The following DAB1 variants were observed in gnomAD, a reference collection of about 807,000 sequenced individuals.
DAB1 encodes DAB adaptor protein 1, also known as disabled homolog 1.
DAB1 carries 15 observed loss-of-function variants against 64.6 expected under a neutral mutation model. That is an observed-to-expected ratio of 0.23 (90% CI 0.16 to 0.36). The LOEUF is 0.36. Among genes scored for constraint, DAB1 ranks in the 10% least tolerant of loss-of-function variants. The pLI, the probability that DAB1 is intolerant of heterozygous loss-of-function variation, is 1.00. For synonymous variants in DAB1, 235 were observed against 251.9 expected, an observed-to-expected ratio of 0.93 and a Z score of 0.64; for missense variants, 596 against 706.7, an observed-to-expected ratio of 0.84 and a Z score of 1.78.
At chr1:58,412,854 A>T (rs972894703) in intron 3 of DAB1, among the ~76,000 whole-genome samples, 13 of 152,222 alleles carry the variant, frequency 8.5e-5, no homozygotes, top group Non-Finnish European at 1.6e-4. Context: ...ATACTTCTTT[A>T]CTTCATCTAT....
At chr1:57,140,019 A>G (rs1658447594) in intron 3 of DAB1, among the ~76,000 whole-genome samples, 1 of 152,182 alleles carries the variant, frequency 6.6e-6, no homozygotes, top group Admixed American at 6.5e-5. Context: ...AACTGCACTC[A>G]GTCTAGAGTG....
intron 1 of DAB1, among the ~76,000 whole-genome samples, chr1:57,836,114 A>T (rs1294101031): frequency 1.3e-5 from 2 of 152,204 alleles, no homozygotes; most frequent in African/African-American, 4.8e-5. Context: ...GAAGGAATTC[A>T]TATTTATTAC....
chr1:57,655,647 T>A (rs888292569), intron 6 of DAB1, among the ~76,000 whole-genome samples: 2 of 152,138 alleles, frequency 1.3e-5, no homozygotes, highest in Non-Finnish European at 2.9e-5. Context: ...ATATAGAGTG[T>A]GTCAGATGGC....
chr1:57,685,788 A>G (rs1214926154), intron 6 of DAB1, among the ~76,000 whole-genome samples: 2 of 152,220 alleles, frequency 1.3e-5, no homozygotes, highest in Non-Finnish European at 2.9e-5. Flanking sequence ...ATTGAAATTA[A>G]ACAACTTGCT....
intron 5 of DAB1, among the ~76,000 whole-genome samples, chr1:58,109,601 T>C (rs1651858889): frequency 6.6e-6 from 1 of 151,862 alleles, no homozygotes; most frequent in African/African-American, 2.4e-5. Flanking sequence ...TTTAGTAGCC[T>C]AAAAAAAGCT....
intron 6 of DAB1, among the ~76,000 whole-genome samples, chr1:57,678,946 T>G (rs1646603617): frequency 6.7e-6 from 1 of 149,598 alleles, no homozygotes; most frequent in Non-Finnish European, 1.5e-5. Context: ...TTTTTTTTTG[T>G]ATTTTTCGTA....
At chr1:57,858,455 TTGTTCTTAGTC>T (rs1653857777) in intron 1 of DAB1, among the ~76,000 whole-genome samples, 1 of 152,120 alleles carries the variant, frequency 6.6e-6, no homozygotes, top group Non-Finnish European at 1.5e-5. Context: ...ATATGTAGTA[TTGTTCTTAGTC>T]TGCTCTGTGA....
chr1:57,873,004 CT>C (rs1406465389), intron 1 of DAB1, among the ~76,000 whole-genome samples: 1 of 152,054 alleles, frequency 6.6e-6, no homozygotes, highest in Non-Finnish European at 1.5e-5. Context: ...ACTGAGCCCC[CT>C]GTTCTGATTT....
intron 1 of DAB1, among the ~76,000 whole-genome samples, chr1:57,397,175 T>G (rs1682879402): frequency 6.6e-6 from 1 of 152,160 alleles, no homozygotes; most frequent in Non-Finnish European, 1.5e-5. Flanking sequence ...ACACATTATA[T>G]AGACCATTTT....
intron 6 of DAB1, among the ~76,000 whole-genome samples, chr1:57,675,278 A>T (rs1181876521): frequency 6.6e-6 from 1 of 152,204 alleles, no homozygotes; most frequent in Non-Finnish European, 1.5e-5. Flanking sequence ...TATAACTCAG[A>T]AGGAATTGTC....
intron 1 of DAB1, among the ~76,000 whole-genome samples, chr1:57,362,161 C>G (rs1679605386): frequency 6.6e-6 from 1 of 152,130 alleles, no homozygotes; most frequent in Admixed American, 6.6e-5. Flanking sequence ...TGGTTCTCAT[C>G]CTTACCTTGG....
chr1:57,915,050 C>T (rs963441366), intron 5 of DAB1, among the ~76,000 whole-genome samples: 11 of 144,564 alleles, frequency 7.6e-5, no homozygotes, highest in African/African-American at 2.8e-4. Flanking sequence ...GAAGCGAGGG[C>T]AATTATAGAA....
chr1:58,284,402 T>C (rs1661635813), intron 4 of DAB1, among the ~76,000 whole-genome samples: 1 of 152,240 alleles, frequency 6.6e-6, no homozygotes, highest in African/African-American at 2.4e-5. Context: ...TCTTGCCTCA[T>C]GATGTTTACA....
chr1:58,045,933 C>A (rs1647234964), intron 5 of DAB1, among the ~76,000 whole-genome samples: 1 of 108,820 alleles, frequency 9.2e-6, no homozygotes, highest in South Asian at 2.7e-4. Flanking sequence ...GCAAGATTAT[C>A]AATTTTTTTT....
intron 7 of DAB1, among the ~76,000 whole-genome samples, chr1:57,564,100 C>G (rs1645087209): frequency 1.3e-5 from 2 of 152,160 alleles, no homozygotes; most frequent in African/African-American, 4.8e-5. Context: ...TCCAGAGGAA[C>G]AATCAGGCAG....
At chr1:57,358,868 A>G (rs1558233719) in intron 1 of DAB1, among the ~76,000 whole-genome samples, 1 of 151,978 alleles carries the variant, frequency 6.6e-6, no homozygotes, top group East Asian at 1.9e-4. Context: ...CCAAGAACAC[A>G]CAGTCTCTTC....
intron 7 of DAB1, among the ~76,000 whole-genome samples, chr1:57,505,543 T>C (rs1416914687): frequency 6.6e-6 from 1 of 152,238 alleles, no homozygotes; most frequent in Non-Finnish European, 1.5e-5. Context: ...GGGATGGGGA[T>C]GTAAGTGCTT....
intron 6 of DAB1, among the ~76,000 whole-genome samples, chr1:57,705,382 A>AT (rs1646955154): frequency 2.0e-5 from 3 of 152,130 alleles, no homozygotes; most frequent in Admixed American, 6.5e-5. Flanking sequence ...TGATCTGTGT[A>AT]TTTTAACAGA....
chr1:58,443,337 A>G (rs1335988119), intron 3 of DAB1, among the ~76,000 whole-genome samples: 1 of 152,250 alleles, frequency 6.6e-6, no homozygotes, highest in Admixed American at 6.5e-5. Context: ...AATGTAACAA[A>G]AGTGTTAAAG....
Sources: allele counts gnomAD v4.1 joint callset (sites outside exome capture counted in the v4.1 genomes callset), GRCh38; gene constraint gnomAD v4.1.1; transcripts MANE v1.5; gene names NCBI Gene and HGNC (gene_info 2026-07-23, HGNC 2026-07-21).